The following MYOM3 variants were observed in gnomAD, a reference collection of about 807,000 sequenced individuals.
MYOM3 encodes myomesin 3.
A neutral mutation model predicts 191.7 loss-of-function variants in MYOM3; 155 were observed. That is an observed-to-expected ratio of 0.81 (90% confidence interval 0.71 to 0.92). The LOEUF is 0.92. MYOM3 is among the 40% of genes least tolerant of loss of function. The probability of loss-of-function intolerance (pLI) is 0.00; values close to 1 mark genes in which losing one functional copy is unlikely to be tolerated. For missense variants in MYOM3, 1,889 were observed against 1,890.6 expected (o/e 1.00, Z 0.02); for synonymous variants, 757 against 762.9 (o/e 0.99, Z 0.13).
chr1:24,066,877 CG>C, intron 28 of MYOM3, 143 bp downstream of exon 28: 1 of 725,148 alleles, frequency 1.4e-6, no homozygotes, highest in Non-Finnish European at 2.2e-6. Flanking sequence ...GTGGTCTCCT[CG>C]GGGGTACTTT....
At chr1:24,098,925 AAG>A (rs1643892994) in intron 6 of MYOM3, among the ~76,000 whole-genome samples, 1 of 152,152 alleles carries the variant, frequency 6.6e-6, no homozygotes, top group Admixed American at 6.5e-5. Context: ...GTAGCTGTAC[AAG>A]AGCCTTAACT....
At position 24,076,247 on chromosome 1, in the gene MYOM3, ACT is replaced by A; in HGVS notation, c.2611_2612del (p.Ser871LeufsTer21). The stretch of plus-strand genomic sequence containing the variant: ...TCATGGCCTGTACCTGGAACACGTA[ACT>A]CTTTCCTGGCTGCAAGTCGGAAACC... ...LRVSDLQPGKSYVFQVQAMNS... is the reference protein window; with the variant it reads ...LRVSDLQPGKXYVFQVQAMNS... On this transcript the variant is annotated frameshift_variant, in exon 21 of 37. Coordinates refer to ENST00000374434, the MANE Select transcript of MYOM3 (RefSeq NM_152372.4). LOFTEE classifies it high-confidence loss of function. 1 of 1,613,960 alleles carries A rather than the reference ACT, an allele frequency of 6.2e-7. No individual in the cohort carries two copies. Among genetic ancestry groups the A allele is most frequent in the Non-Finnish European group, 8.5e-7 (1 of 1,179,958 alleles).
intron 20 of MYOM3, among the ~76,000 whole-genome samples, chr1:24,079,566 T>G (rs1331159662): frequency 6.6e-6 from 1 of 152,150 alleles, no homozygotes; most frequent in East Asian, 1.9e-4. Context: ...TGGCACAGGA[T>G]TCTACTTTTA....
rs574892225 is a variant in MYOM3 at position 24,110,827 on chromosome 1, CAGG to C, written c.-19+1201_-19+1203del. On this transcript the variant is annotated intron_variant, in intron 1 of 36. Transcript: ENST00000374434. ...ATTCTGCTCTTTCTTCCTCATGGCCCAGGAGGAGAGCTGCTGGGTACCACCCTA... is the reference window on the plus strand; with the variant it reads ...ATTCTGCTCTTTCTTCCTCATGGCCCAGGAGAGCTGCTGGGTACCACCCTA... Among the ~76,000 whole-genome samples, 162 of 152,294 alleles carry C rather than the reference CAGG, an allele frequency of 1.1e-3. 1 individual carries two copies. Among genetic ancestry groups the C allele is most frequent in the African/African-American group, 3.8e-3 (157 of 41,558 alleles).
rs1327171880 is a variant in MYOM3 at position 24,087,482 on chromosome 1, G to A, written c.1615-655C>T. ...TGACCCCTCGGCCTGTCTGGCCACC[G>A]TTCCCTCTGCCCTTAGTCTCTGTGC... On this transcript the variant is annotated intron_variant, in intron 14 of 36. Coordinates refer to ENST00000374434, the MANE Select transcript of MYOM3 (RefSeq NM_152372.4). This position sits in a 1 kb window ranked among gnomAD's most constrained non-coding sequence, Gnocchi z 4.5. 2.0e-5 allele frequency among the ~76,000 whole-genome samples: 3 copies of A among 152,076 alleles called. No individual in the cohort carries two copies. Among genetic ancestry groups the A allele is most frequent in the South Asian group, 2.1e-4 (1 of 4,814 alleles).
chr1:24,078,050 G>A (rs926401530), intron 20 of MYOM3, among the ~76,000 whole-genome samples: 1 of 152,092 alleles, frequency 6.6e-6, no homozygotes, highest in African/African-American at 2.4e-5. Flanking sequence ...CGAAATGAAG[G>A]ACTAAAGCGC....
rs1345378767 is a variant in MYOM3, at chr1:24,075,406, G to A, written c.2771C>T (p.Ala924Val). 6 of 1,610,104 alleles carry A rather than the reference G, an allele frequency of 3.7e-6. No individual in the cohort carries two copies. The highest frequency in any genetic ancestry group is 1.7e-4 in the Middle Eastern group (1 of 5,778). Residue 924 changes from alanine to valine, a missense_variant, in exon 22 of 37, where the codon GCC becomes GTC. Transcript: ENST00000374434. ...CCACTGAAACTCTGAGGAGTCGGGG[G>A]CTTCAGGGGCTTCAAAAGCCAAATA... ...FIYLAFEAPE[A>V]PDSSEFQWSK...
At chr1:24,076,809 C>T (rs1261873310) in intron 20 of MYOM3, among the ~76,000 whole-genome samples, 1 of 56,754 alleles carries the variant, frequency 1.8e-5, no homozygotes, top group African/African-American at 5.4e-5. Flanking sequence ...CCACCGCGCC[C>T]GGCCCCTAAT....
chr1:24,095,352 G>T (rs1056142331), intron 8 of MYOM3, 90 bp downstream of exon 8: 3 of 1,249,170 alleles, frequency 2.4e-6, no homozygotes, highest in Non-Finnish European at 3.4e-6. Flanking sequence ...ATGGGCAGGG[G>T]ATGGCTATAT....
intron 5 of MYOM3, among the ~76,000 whole-genome samples, chr1:24,103,654 C>A (rs1035053989): frequency 2.0e-5 from 3 of 152,204 alleles, no homozygotes; most frequent in Non-Finnish European, 2.9e-5. Context: ...ATTGTGAAGA[C>A]CCTGTTTCTC....
chr1:24,062,183 C>T lies in MYOM3; in HGVS notation c.3771-74G>A, dbSNP rs1020161858. On this transcript the variant is annotated intron_variant, in intron 32 of 36. Coordinates refer to ENST00000374434, the MANE Select transcript of MYOM3 (RefSeq NM_152372.4). Reference sequence around the variant, plus strand: ...ACAGATACCCGTGCCCCAAAATCCTCTCCTCTGGTTTTGTTTTGAGATCAC... The same window carrying T: ...ACAGATACCCGTGCCCCAAAATCCTTTCCTCTGGTTTTGTTTTGAGATCAC... 3 of 1,567,336 alleles carry T rather than the reference C, an allele frequency of 1.9e-6. No individual in the cohort carries two copies. In the East Asian group the frequency reaches 6.8e-5, roughly 35 times the overall value.
At position 24,092,217 on chromosome 1, in the gene MYOM3, T is replaced by G; in HGVS notation, c.1189A>C (p.Ser397Arg). The G allele has an allele frequency of 2.1e-6, 3 of 1,451,662 alleles. No homozygotes were observed. The South Asian group carries it at 4.4e-5, about 21-fold the overall frequency. 89.9% of individuals were successfully genotyped at this position (1,451,662 alleles called of 1,614,324 possible). A position where few individuals can be genotyped will look rare whatever the true frequency, so the allele number is the denominator to read the frequency against. The change falls in exon 11 of 37, where the codon AGT becomes CGT. Residue 397 changes from serine (S) to arginine (R), a missense_variant. By Grantham distance (110) the Ser-to-Arg change is moderately radical (BLOSUM62 -1). Transcript: ENST00000374434. ...DCLILTWAPP[S>R]DTRGNPITAY... The stretch of plus-strand genomic sequence containing the variant: ...GTGATGGGGTTGCCCCGGGTGTCAC[T>G]GGGCGGGGCCCAAGTCAGGATGAGG...
Position 24,090,131 on chromosome 1 carries a change from G to A in MYOM3, c.1433-13C>T, listed in dbSNP as rs558722846. On this transcript the variant is annotated splice_polypyrimidine_tract_variant and intron_variant, in intron 12 of 36. Transcript: ENST00000374434. ...TCAAAGGGGATCTCTAGGATGAGAA[G>A]GGAGCATGGGAGGGTGGGGGGTGGC... 1.2e-6 allele frequency: 2 copies of A among 1,610,432 alleles called. No homozygotes were observed. Among genetic ancestry groups the A allele is most frequent in the Admixed American group, 1.7e-5 (1 of 60,026 alleles).
intron 16 of MYOM3, chr1:24,083,009 C>T (rs1006959250): frequency 1.4e-4 from 34 of 247,776 alleles, no homozygotes; most frequent in South Asian, 7.2e-4. Context: ...CCAAACCCAG[C>T]GCCACATGGT....
intron 7 of MYOM3, 57 bp downstream of exon 7, chr1:24,097,866 C>G: frequency 8.7e-7 from 1 of 1,151,720 alleles, no homozygotes; most frequent in South Asian, 1.2e-5. Flanking sequence ...ATGTCCTTGT[C>G]TGCCCAGCTT....
intron 35 of MYOM3, among the ~76,000 whole-genome samples, chr1:24,060,155 G>A (rs1481991962): frequency 2.6e-5 from 4 of 152,186 alleles, no homozygotes; most frequent in Non-Finnish European, 4.4e-5. Flanking sequence ...CTCACTGGGT[G>A]AATGATTAGA....
At chr1:24,068,592 A>G (rs370921008) in intron 25 of MYOM3, among the ~76,000 whole-genome samples, 4 of 151,716 alleles carry the variant, frequency 2.6e-5, no homozygotes, top group Admixed American at 6.6e-5. Context: ...ACAGAGTCTC[A>G]CTCTTGCCTA....
rs34964978 is a variant in MYOM3, at chr1:24,086,768, C to T, written c.1674G>A (p.Pro558=). The T allele has an allele frequency of 3.2e-3, 5,141 of 1,614,168 alleles. 144 individuals are homozygous for T. The African/African-American group carries it at 0.059, about 18-fold the overall frequency. The change falls in exon 15 of 37, where the codon CCG becomes CCA. Residue 558 remains proline, a synonymous_variant. Coordinates refer to ENST00000374434, the MANE Select transcript of MYOM3 (RefSeq NM_152372.4). ...TCTCCAGGTCCAGAACGGCGAATCTCGGGGATCTCACAGGGCTTTCCGAGC... is the reference window on the plus strand; with the variant it reads ...TCTCCAGGTCCAGAACGGCGAATCTTGGGGATCTCACAGGGCTTTCCGAGC... ...AISSESPVRS[P]RFAVLDLEKK...
At chr1:24,066,373 G>A in intron 28 of MYOM3, 1 of 628,252 alleles carries the variant, frequency 1.6e-6, no homozygotes, top group South Asian at 1.9e-5. Context: ...AAGGCCCACA[G>A]AGACCACTTC....
Sources: gnomAD v4.1 joint callset for allele counts (sites outside exome capture counted in the v4.1 genomes callset) on GRCh38, gnomAD v4.1.1 for gene constraint, Gnocchi (gnomAD v3.1) non-coding constraint, MANE v1.5 for transcripts, NCBI Gene and HGNC (gene_info 2026-07-23, HGNC 2026-07-21) for gene names.